Variants in ZNF473 observed in about 807,000 individuals in gnomAD.
ZNF473 encodes the protein zinc finger protein 473.
Under a neutral mutation model 11.1 loss-of-function variants are expected in ZNF473, and 4 were observed. That is an observed-to-expected ratio of 0.36 (90% CI 0.18 to 0.82). The LOEUF is 0.82. Ranked by LOEUF, ZNF473 falls within the 40% of genes least tolerant of loss-of-function variation. The pLI, the probability that ZNF473 is intolerant of heterozygous loss-of-function variation, is 0.49. For missense variants in ZNF473, 854 were observed against 1,084.0 expected (o/e 0.79, Z 2.98); for synonymous variants, 404 against 390.4 (o/e 1.03, Z -0.41).
rs930652949 is a variant in ZNF473 at position 50,047,227 on chromosome 19, C to G, written c.*168C>G. The stretch of plus-strand genomic sequence containing the variant: ...CAATGAAAACACAAAAGTGGAGAAG[C>G]TGTACAACGTCAGGATTCAGAGGTA... On this transcript the variant is annotated 3_prime_UTR_variant, in exon 5 of 5. Coordinates refer to ENST00000270617, the MANE Select transcript of ZNF473 (RefSeq NM_015428.4). The G allele has an allele frequency of 3.1e-6, 2 of 654,848 alleles. No individual in the cohort carries two copies. Among genetic ancestry groups the G allele is most frequent in the South Asian group, 2.0e-5 (1 of 49,754 alleles). 40.6% of individuals were successfully genotyped at this position (654,848 alleles called of 1,614,324 possible). A position where few individuals can be genotyped will look rare whatever the true frequency, so the allele number is the denominator to read the frequency against.
At chr19:50,031,852 GTTCATCCTTAGTGATCCAACT>G (rs1338622452) in intron 2 of ZNF473, among the ~76,000 whole-genome samples, 4 of 152,086 alleles carry the variant, frequency 2.6e-5, no homozygotes, top group African/African-American at 9.7e-5. Context: ...GTAAATATCT[GTTCATCCTTAGTGATCCAACT>G]TGAATGACCT....
chr19:50,034,858 C>A (rs2077336744), intron 2 of ZNF473, among the ~76,000 whole-genome samples: 1 of 152,178 alleles, frequency 6.6e-6, no homozygotes, highest in African/African-American at 2.4e-5. Flanking sequence ...CATGGTCAAT[C>A]CTTTTACCAA....
intron 1 of ZNF473, among the ~76,000 whole-genome samples, chr19:50,028,165 G>A (rs1181516021): frequency 1.3e-5 from 2 of 152,014 alleles, no homozygotes; most frequent in African/African-American, 4.8e-5. Context: ...GGGCGTGGTG[G>A]CAGGCGCTTG....
rs1979274264 is a variant in ZNF473, at chr19:50,048,586, A to G, written c.*1527A>G. On this transcript the variant is annotated 3_prime_UTR_variant, in exon 5 of 5. Coordinates refer to ENST00000270617, the MANE Select transcript of ZNF473 (RefSeq NM_015428.4). ...GCTCTGTCTTGTCGGGGAGATGGGC[A>G]TGTTGTATACCAAAAGAGTGTACAA... 6.6e-6 allele frequency: 1 copy of G among 152,268 alleles called. No individual in the cohort carries two copies. The highest frequency in any genetic ancestry group is 1.5e-5 in the Non-Finnish European group (1 of 68,056). 9.4% of individuals were successfully genotyped at this position (152,268 alleles called of 1,614,324 possible).
rs1393380957 is a variant in ZNF473, at chr19:50,047,719, A to G, written c.*660A>G. The G allele has an allele frequency of 6.6e-6, 1 of 152,146 alleles. No individual in the cohort carries two copies. The highest frequency in any genetic ancestry group is 2.4e-5 in the African/African-American group (1 of 41,370). The allele number at this position is 152,146 out of a possible 1,614,324, so 9.4% of individuals were successfully genotyped here. A position where few individuals can be genotyped will look rare whatever the true frequency, so the allele number is the denominator to read the frequency against. ...AAACTCTTCACCTCAACTAGCTACA[A>G]CCTTCCACTCCTAACCTCCCAAGCT... On this transcript the variant is annotated 3_prime_UTR_variant, in exon 5 of 5. Coordinates refer to ENST00000270617, the MANE Select transcript of ZNF473 (RefSeq NM_015428.4).
At position 50,047,028 on chromosome 19, in the gene ZNF473, G is replaced by T. The variant is rs747326038; in HGVS notation, c.2585G>T (p.Arg862Leu). 1.2e-6 allele frequency: 2 copies of T among 1,613,646 alleles called. No individual in the cohort carries two copies. The highest frequency in any genetic ancestry group is 2.2e-5 in the South Asian group (2 of 91,078). ...CACTCGAGCCTCAGCCGCCATCAGC[G>T]TGTACACAACAAGCAGCAATACTGC... ...RCHSSLSRHQ[R>L]VHNKQQYCL The change falls in exon 5 of 5, where the codon CGT becomes CTT. Residue 862 changes from arginine (R) to leucine (L), a missense_variant. Transcript: ENST00000270617.
chr19:50,030,380 T>C (rs1237759618), intron 1 of ZNF473, among the ~76,000 whole-genome samples: 2 of 152,138 alleles, frequency 1.3e-5, no homozygotes, highest in African/African-American at 4.8e-5. Context: ...TGGTGGCACA[T>C]GCTTGTAGTC....
At chr19:50,035,122 T>C (rs562609253) in intron 2 of ZNF473, among the ~76,000 whole-genome samples, 109 of 152,134 alleles carry the variant, frequency 7.2e-4, no homozygotes, top group Middle Eastern at 3.4e-3. Flanking sequence ...TGAAACCCCA[T>C]CTCTACAAAA....
At chr19:50,040,892 GA>G (rs1978730104) in intron 3 of ZNF473, among the ~76,000 whole-genome samples, 1 of 152,210 alleles carries the variant, frequency 6.6e-6, no homozygotes, top group Non-Finnish European at 1.5e-5. Context: ...GTGTCTTTTT[GA>G]ATTTTTAAAC....
In ZNF473 at chr19:50,039,445, G is replaced by A. The variant is rs557521896; in HGVS notation, c.136+158G>A. The stretch of plus-strand genomic sequence containing the variant: ...AGCTGGCCGAGGAGACATTGGCAAT[G>A]TGTGGAGACATTTTTGATTGTTACT... On this transcript the variant is annotated intron_variant, in intron 3 of 4. Coordinates refer to ENST00000270617, the MANE Select transcript of ZNF473 (RefSeq NM_015428.4). The surrounding 1 kb of genome is among the most constrained non-coding windows in gnomAD (Gnocchi z 4.8). Among the ~76,000 whole-genome samples the A allele has an allele frequency of 6.6e-6, 1 of 152,286 alleles. No individual in the cohort carries two copies. The highest frequency in any genetic ancestry group is 2.4e-5 in the African/African-American group (1 of 41,506).
In ZNF473 at chr19:50,039,384, T is replaced by TCCTCAGAATGAGCATGACCTAGCC. The variant is rs1978649575; in HGVS notation, c.136+106_136+107insGAGCATGACCTAGCCCCTCAGAAT. ...CAGGGTGAAGTCCTGGCTCCTGGGCTCCTCAGAATCAGCATGACCTAGCCC... is the reference window on the plus strand; with the variant it reads ...CAGGGTGAAGTCCTGGCTCCTGGGCTCCTCAGAATGAGCATGACCTAGCCCCTCAGAATCAGCATGACCTAGCCC... On this transcript the variant is annotated intron_variant, in intron 3 of 4. Transcript: ENST00000270617. The surrounding 1 kb of genome is among the most constrained non-coding windows in gnomAD (Gnocchi z 4.8). 6.0e-6 allele frequency: 9 copies of TCCTCAGAATGAGCATGACCTAGCC among 1,503,666 alleles called. No individual in the cohort carries two copies. The highest frequency in any genetic ancestry group is 8.1e-6 in the Non-Finnish European group (9 of 1,106,876). The allele number at this position is 1,503,666 out of a possible 1,614,324, so 93.1% of individuals were successfully genotyped here.
chr19:50,033,910 C>T (rs764250816), intron 2 of ZNF473, among the ~76,000 whole-genome samples: 3 of 152,200 alleles, frequency 2.0e-5, no homozygotes, highest in Non-Finnish European at 4.4e-5. Context: ...AGGATAATCT[C>T]CCCATTTCCA....
chr19:50,038,009 A>ATTT (rs11462425), intron 2 of ZNF473, among the ~76,000 whole-genome samples: 8,104 of 134,852 alleles, frequency 0.06, 332 homozygotes, highest in Middle Eastern at 0.12. Context: ...ATAGTAGAAA[A>ATTT]TTTTTTTTTT....
chr19:50,033,961 G>T (rs192357363), intron 2 of ZNF473, among the ~76,000 whole-genome samples: 11 of 152,304 alleles, frequency 7.2e-5, no homozygotes, highest in Middle Eastern at 3.4e-3. Flanking sequence ...CGCCATGTAA[G>T]ATAATATTCA....
chr19:50,031,161 C>G (rs568116819), intron 2 of ZNF473, 70 bp downstream of exon 2: 2 of 1,546,548 alleles, frequency 1.3e-6, no homozygotes, highest in African/African-American at 1.4e-5. Flanking sequence ...CCTTTGTGGC[C>G]GAGGCGAGTT....
intron 3 of ZNF473, chr19:50,041,491 C>T (rs1204597452): frequency 1.2e-5 from 4 of 328,044 alleles, no homozygotes; most frequent in East Asian, 1.0e-4. Flanking sequence ...ATCCCCAGCC[C>T]CAGCTGTCAC....
chr19:50,037,899 C>T (rs1362057479), intron 2 of ZNF473, among the ~76,000 whole-genome samples: 2 of 151,584 alleles, frequency 1.3e-5, no homozygotes, highest in Admixed American at 1.3e-4. Flanking sequence ...TTACAAACGA[C>T]AGAAGGAAAC....
Position 50,039,382 on chromosome 19 carries a change from G to C in ZNF473, c.136+95G>C. 2 of 1,520,394 alleles carry C rather than the reference G, an allele frequency of 1.3e-6. No homozygotes were observed. The highest frequency in any genetic ancestry group is 3.8e-5 in the Admixed American group (2 of 52,366). 94.2% of individuals were successfully genotyped at this position (1,520,394 alleles called of 1,614,324 possible). A position where few individuals can be genotyped will look rare whatever the true frequency, so the allele number is the denominator to read the frequency against. ...CACAGGGTGAAGTCCTGGCTCCTGG[G>C]CTCCTCAGAATCAGCATGACCTAGC... On this transcript the variant is annotated intron_variant, in intron 3 of 4. Coordinates refer to ENST00000270617, the MANE Select transcript of ZNF473 (RefSeq NM_015428.4). This position sits in a 1 kb window ranked among gnomAD's most constrained non-coding sequence, Gnocchi z 4.8.
rs1568412900 is a variant in ZNF473 at position 50,047,287 on chromosome 19, A to G, written c.*228A>G. The G allele has an allele frequency of 3.7e-5, 18 of 488,432 alleles. No individual in the cohort carries two copies. In the South Asian group the frequency reaches 4.8e-4, roughly 13 times the overall value. The allele number at this position is 488,432 out of a possible 1,614,324, so 30.3% of individuals were successfully genotyped here. A position where few individuals can be genotyped will look rare whatever the true frequency, so the allele number is the denominator to read the frequency against. On this transcript the variant is annotated 3_prime_UTR_variant, in exon 5 of 5. Transcript: ENST00000270617. ...GCCAGTCTACCTTGAGTTAAATCCC[A>G]CCTCTGCCATCTACTACCTAAGTGA... is the stretch of plus-strand genomic sequence containing the variant.
Sources: allele counts gnomAD v4.1 joint callset (sites outside exome capture counted in the v4.1 genomes callset), GRCh38; gene constraint gnomAD v4.1.1; non-coding constraint Gnocchi (gnomAD v3.1); transcripts MANE v1.5; gene names NCBI Gene and HGNC (gene_info 2026-07-23, HGNC 2026-07-21).